Variants in STMP1 observed in about 807,000 individuals in gnomAD.
The protein encoded by STMP1 is mitolamban.
STMP1 carries 7 observed loss-of-function variants against 7.0 expected under a neutral mutation model. The observed-to-expected ratio is 1.01, with a 90% CI of 0.57 to 1.89. The LOEUF (loss-of-function observed/expected upper bound fraction) is 1.89. Ranked by LOEUF, STMP1 falls within the 40% of genes most tolerant of loss-of-function variation. The pLI, the probability that STMP1 is intolerant of heterozygous loss-of-function variation, is 0.00. For synonymous variants in STMP1, 19 were observed against 18.4 expected, an observed-to-expected ratio of 1.03 and a Z score of -0.08; for missense variants, 45 against 53.0, an observed-to-expected ratio of 0.85 and a Z score of 0.47.
chr7:135,672,518 T>G (rs565243924), intron 1 of STMP1, among the ~76,000 whole-genome samples: 1 of 152,248 alleles, frequency 6.6e-6, no homozygotes, highest in Admixed American at 6.5e-5. Flanking sequence ...TTTTCTTATG[T>G]TTGGTTGGTG....
chr7:135,662,553 G>C lies in STMP1; in HGVS notation c.-27G>C. 1 of 1,545,340 alleles carries C rather than the reference G, an allele frequency of 6.5e-7. No homozygotes were observed. The highest frequency in any genetic ancestry group is 8.7e-7 in the Non-Finnish European group (1 of 1,144,694). On this transcript the variant is annotated 5_prime_UTR_variant, in exon 1 of 3. Transcript: ENST00000507606. ...CCGCGGAGCTGCTGCAGTCCTTCGC[G>C]CCCTCCTCGCCCTCCCCACCGACAT...
At chr7:135,668,421 G>T (rs75598600) in intron 1 of STMP1, among the ~76,000 whole-genome samples, 5,018 of 152,180 alleles carry the variant, frequency 0.033, 107 homozygotes, top group Middle Eastern at 0.099. Context: ...TGCATGTGAA[G>T]GAAACTCCCC....
intron 1 of STMP1, among the ~76,000 whole-genome samples, chr7:135,668,371 G>A (rs1795317764): frequency 1.3e-5 from 2 of 152,098 alleles, no homozygotes; most frequent in Non-Finnish European, 2.9e-5. Context: ...CTTTCATCAT[G>A]TTGCTGAGGG....
intron 1 of STMP1, among the ~76,000 whole-genome samples, chr7:135,667,717 T>G (rs1795311727): frequency 6.6e-6 from 1 of 152,194 alleles, no homozygotes; most frequent in South Asian, 2.1e-4. Context: ...TTTGGTTACT[T>G]GTACTTTTGG....
chr7:135,662,569 C>T lies in STMP1; in HGVS notation c.-11C>T, dbSNP rs753825751. On this transcript the variant is annotated 5_prime_UTR_variant, in exon 1 of 3. Coordinates refer to ENST00000507606, the MANE Select transcript of STMP1 (RefSeq NM_001130929.2). ...GTCCTTCGCGCCCTCCTCGCCCTCCCCACCGACATCATGCTCCAGTTCCTG... is the reference window on the plus strand; with the variant it reads ...GTCCTTCGCGCCCTCCTCGCCCTCCTCACCGACATCATGCTCCAGTTCCTG... The T allele has an allele frequency of 3.2e-6, 5 of 1,548,394 alleles. No homozygotes were observed. The African/African-American group carries it at 4.1e-5, about 13-fold the overall frequency.
chr7:135,673,645 A>G (rs918461966), intron 2 of STMP1, among the ~76,000 whole-genome samples: 1 of 152,198 alleles, frequency 6.6e-6, no homozygotes, highest in African/African-American at 2.4e-5. Flanking sequence ...AAGGCTAAGA[A>G]ATACCACTAT....
intron 1 of STMP1, among the ~76,000 whole-genome samples, chr7:135,663,568 TC>T (rs935332966): frequency 6.6e-6 from 1 of 152,206 alleles, no homozygotes; most frequent in African/African-American, 2.4e-5. Flanking sequence ...GGTCTCGAAC[TC>T]CTGACCTCAA....
rs1235422074 is a variant in STMP1 at position 135,676,029 on chromosome 7, T to G, written c.*1864T>G. 1 of 150,832 alleles carries G rather than the reference T, an allele frequency of 6.6e-6. No homozygotes were observed. Among genetic ancestry groups the G allele is most frequent in the Non-Finnish European group, 1.5e-5 (1 of 67,834 alleles). The allele number at this position is 150,832 out of a possible 1,614,324, so 9.3% of individuals were successfully genotyped here. A position where few individuals can be genotyped will look rare whatever the true frequency, so the allele number is the denominator to read the frequency against. On this transcript the variant is annotated 3_prime_UTR_variant, in exon 3 of 3. Transcript: ENST00000507606. ...AACTCCTGCCTCCCGGTCCAAGTGA[T>G]TCTCGTGCTGCAGCTTCTCAAGTAG...
At chr7:135,673,079 T>C in intron 2 of STMP1, 1 of 438,488 alleles carries the variant, frequency 2.3e-6, no homozygotes, top group South Asian at 4.5e-5. Flanking sequence ...GAGAGTAATA[T>C]TAAGTTGGGC....
At chr7:135,663,130 A>G (rs1584704202) in intron 1 of STMP1, among the ~76,000 whole-genome samples, 1 of 152,334 alleles carries the variant, frequency 6.6e-6, no homozygotes, top group East Asian at 1.9e-4. Flanking sequence ...ACACTGGTAT[A>G]CAAGTAATTT....
chr7:135,663,933 C>G (rs1003866281), intron 1 of STMP1, among the ~76,000 whole-genome samples: 1 of 152,228 alleles, frequency 6.6e-6, no homozygotes, highest in Admixed American at 6.5e-5. Context: ...CGTGAGCCTC[C>G]GCGCCCGGCC....
rs141119744 is a variant in STMP1 at position 135,672,570 on chromosome 7, G to A, written c.16-183G>A. Among the ~76,000 whole-genome samples the A allele has an allele frequency of 2.8e-3, 422 of 152,086 alleles. 3 individuals carry two copies. Among genetic ancestry groups the A allele is most frequent in the African/African-American group, 9.5e-3 (395 of 41,464 alleles). Reference sequence around the variant, plus strand: ...TGTATGCTGTTTAGCCTCTGGAGAGGGCATCTCTGTGTTTATAGAAGAAAA... The same window carrying A: ...TGTATGCTGTTTAGCCTCTGGAGAGAGCATCTCTGTGTTTATAGAAGAAAA... On this transcript the variant is annotated intron_variant, in intron 1 of 2. Coordinates refer to ENST00000507606, the MANE Select transcript of STMP1 (RefSeq NM_001130929.2).
At chr7:135,665,334 G>A (rs1442805806) in intron 1 of STMP1, among the ~76,000 whole-genome samples, 3 of 152,162 alleles carry the variant, frequency 2.0e-5, no homozygotes, top group South Asian at 4.1e-4. Flanking sequence ...TGGTGATAAC[G>A]TCCTTCCATT....
intron 1 of STMP1, among the ~76,000 whole-genome samples, chr7:135,664,786 C>G (rs563899862): frequency 6.6e-6 from 1 of 152,082 alleles, no homozygotes; most frequent in Non-Finnish European, 1.5e-5. Context: ...TTGATTCCAC[C>G]TCTGTCAAAT....
chr7:135,664,069 A>G (rs921353697), intron 1 of STMP1, among the ~76,000 whole-genome samples: 2 of 143,602 alleles, frequency 1.4e-5, no homozygotes, highest in African/African-American at 5.0e-5. Flanking sequence ...CCCAGCTAAG[A>G]CAGGGCTGCT....
chr7:135,663,571 T>G (rs1455689566), intron 1 of STMP1, among the ~76,000 whole-genome samples: 2 of 152,192 alleles, frequency 1.3e-5, no homozygotes, highest in Non-Finnish European at 2.9e-5. Flanking sequence ...CTCGAACTCC[T>G]GACCTCAAGT....
intron 1 of STMP1, among the ~76,000 whole-genome samples, chr7:135,667,648 C>T (rs1001995286): frequency 6.6e-6 from 1 of 151,994 alleles, no homozygotes; most frequent in Non-Finnish European, 1.5e-5. Flanking sequence ...TTTTGACTTT[C>T]TTGATGGTGT....
At chr7:135,667,636 T>C (rs1310466580) in intron 1 of STMP1, among the ~76,000 whole-genome samples, 2 of 152,274 alleles carry the variant, frequency 1.3e-5, no homozygotes, top group Non-Finnish European at 2.9e-5. Flanking sequence ...CTGTGTGTTG[T>C]CTTTTGACTT....
Position 135,674,091 on chromosome 7 carries a change from A to T in STMP1, c.70A>T (p.Ile24Leu), listed in dbSNP as rs1027972440. 1.9e-6 allele frequency: 3 copies of T among 1,546,724 alleles called. No homozygotes were observed. The highest frequency in any genetic ancestry group is 1.4e-5 in the African/African-American group (1 of 72,718). ...VGMYLAQNYD[I>L]PNLAKKLEEI... ...ATAATAACCTTTTTTCTCTTCAAAG[A>T]TACCAAACCTGGCTAAAAAACTTGA... Residue 24 changes from isoleucine (I) to leucine (L), a missense_variant and splice_region_variant, in exon 3 of 3, where the codon ATA (isoleucine) becomes TTA (leucine). Ile to Leu is a conservative substitution (Grantham distance 5). Coordinates refer to ENST00000507606, the MANE Select transcript of STMP1 (RefSeq NM_001130929.2).
Sources: allele counts gnomAD v4.1 joint callset (sites outside exome capture counted in the v4.1 genomes callset), GRCh38; gene constraint gnomAD v4.1.1; transcripts MANE v1.5; gene names NCBI Gene and HGNC (gene_info 2026-07-23, HGNC 2026-07-21).